Variants in KANK1 observed in about 807,000 individuals in gnomAD.
KANK1 encodes KN motif and ankyrin repeat domain-containing protein 1.
In KANK1, 109 loss-of-function variants were observed where a neutral mutation model predicts 106.2. The observed-to-expected ratio is 1.03, with a 90% CI of 0.88 to 1.20. The LOEUF (loss-of-function observed/expected upper bound fraction) is 1.20. Ranked by LOEUF, KANK1 falls within the 50% of genes most tolerant of loss-of-function variation. The pLI, the probability that KANK1 is intolerant of heterozygous loss-of-function variation, is 0.00. For missense variants in KANK1, 2,399 were observed against 1,710.7 expected (o/e 1.40, Z -7.10); for synonymous variants, 873 against 652.2 (o/e 1.34, Z -5.16).
At chr9:590,694 C>G (rs1824651449) in intron 1 of KANK1, among the ~76,000 whole-genome samples, 1 of 149,162 alleles carries the variant, frequency 6.7e-6, no homozygotes, top group Non-Finnish European at 1.5e-5. Context: ...CAGAAATGCA[C>G]CCTGCTTTTC....
chr9:580,843 T>A (rs2135275662), intron 1 of KANK1, among the ~76,000 whole-genome samples: 1 of 152,202 alleles, frequency 6.6e-6, no homozygotes, highest in South Asian at 2.1e-4. Context: ...TGGGGAGGCT[T>A]GGGCTGCGCT....
At chr9:569,493 G>T (rs1399636371) in intron 1 of KANK1, among the ~76,000 whole-genome samples, 1 of 152,140 alleles carries the variant, frequency 6.6e-6, no homozygotes, top group African/African-American at 2.4e-5. Flanking sequence ...GATTCCCTGT[G>T]CTGCCTCCAG....
intron 1 of KANK1, among the ~76,000 whole-genome samples, chr9:597,403 C>T (rs1826485753): frequency 6.6e-6 from 1 of 151,768 alleles, no homozygotes; most frequent in Non-Finnish European, 1.5e-5. Flanking sequence ...TTATAGTCGT[C>T]CTTGTGGGTA....
At chr9:512,822 G>C (rs1302474150) in intron 1 of KANK1, among the ~76,000 whole-genome samples, 1 of 152,154 alleles carries the variant, frequency 6.6e-6, no homozygotes, top group Non-Finnish European at 1.5e-5. Flanking sequence ...GGAAGAAGTG[G>C]AATTTATATT....
At position 712,485 on chromosome 9, in the gene KANK1, G is replaced by A. The variant is rs774257935; in HGVS notation, c.1719G>A (p.Glu573=). ...ELPMNWWIVK[E]RVEMHDRCAG... ...CTATGAATTGGTGGATTGTTAAGGAGAGGGTGGAAATGCATGACCGATGTG... is the reference window on the plus strand; with the variant it reads ...CTATGAATTGGTGGATTGTTAAGGAAAGGGTGGAAATGCATGACCGATGTG... The change falls in exon 3 of 12, where the codon GAG becomes GAA. Residue 573 remains glutamate, a synonymous_variant. Coordinates refer to ENST00000382297, the MANE Select transcript of KANK1 (RefSeq NM_015158.5). 6.2e-7 allele frequency: 1 copy of A among 1,614,208 alleles called. No homozygotes were observed. Among genetic ancestry groups the A allele is most frequent in the South Asian group, 1.1e-5 (1 of 91,082 alleles).
At chr9:664,864 A>G (rs1464949087) in intron 1 of KANK1, among the ~76,000 whole-genome samples, 2 of 152,118 alleles carry the variant, frequency 1.3e-5, no homozygotes, top group Non-Finnish European at 1.5e-5. Context: ...GATAAAAGCT[A>G]TTCTAATTGG....
intron 1 of KANK1, among the ~76,000 whole-genome samples, chr9:560,077 A>G (rs4742094): frequency 0.26 from 40,157 of 152,054 alleles, 5,610 homozygotes; most frequent in Admixed American, 0.38. Flanking sequence ...CCTCTAATGG[A>G]ATAAATGGGG....
intron 2 of KANK1, among the ~76,000 whole-genome samples, chr9:678,287 T>G (rs1160658715): frequency 6.6e-6 from 1 of 152,188 alleles, no homozygotes; most frequent in Non-Finnish European, 1.5e-5. Context: ...ATTGAACACT[T>G]AAATGCACCA....
chr9:639,897 C>T (rs1438333672), intron 1 of KANK1, among the ~76,000 whole-genome samples: 2 of 152,130 alleles, frequency 1.3e-5, no homozygotes, highest in Admixed American at 6.5e-5. Context: ...TAACAAGCTT[C>T]CTCAAACCCT....
At chr9:669,753 C>G (rs562244757) in intron 1 of KANK1, among the ~76,000 whole-genome samples, 100 of 152,138 alleles carry the variant, frequency 6.6e-4, no homozygotes, top group Middle Eastern at 3.4e-3. Flanking sequence ...CTTCCTCTAC[C>G]TGGATATTTT....
chr9:505,301 G>T (rs2058700232), intron 1 of KANK1, among the ~76,000 whole-genome samples: 1 of 152,060 alleles, frequency 6.6e-6, no homozygotes, highest in African/African-American at 2.4e-5. Flanking sequence ...GCCTCGGGTC[G>T]CCCTCCGCCA....
intron 1 of KANK1, among the ~76,000 whole-genome samples, chr9:649,429 G>A (rs1456679106): frequency 6.6e-6 from 1 of 152,188 alleles, no homozygotes; most frequent in Non-Finnish European, 1.5e-5. Flanking sequence ...GCAAATTAGT[G>A]AAATTGTACA....
intron 3 of KANK1, among the ~76,000 whole-genome samples, chr9:477,018 G>A (rs952329013): frequency 2.0e-5 from 3 of 152,138 alleles, no homozygotes; most frequent in Admixed American, 2.0e-4. Context: ...ACATCTACAA[G>A]TTTATGGTAA....
chr9:645,195 C>G (rs926495129), intron 1 of KANK1, among the ~76,000 whole-genome samples: 4 of 147,202 alleles, frequency 2.7e-5, no homozygotes, highest in African/African-American at 1.0e-4. Context: ...AATCTCAGCA[C>G]TTTGGGAAGC....
In KANK1 at chr9:632,480, A is replaced by G. The variant is rs1835979719; in HGVS notation, c.-83-44410A>G. On this transcript the variant is annotated intron_variant, in intron 1 of 11. Transcript: ENST00000382297. ...AGAGCATGGAAAAGATAATTACTAC[A>G]TATACTGTAACTGGTGAAGATGGAG... Among the ~76,000 whole-genome samples, 2 of 152,188 alleles carry G rather than the reference A, an allele frequency of 1.3e-5. 1 individual carries two copies. Among genetic ancestry groups the G allele is most frequent in the South Asian group, 4.1e-4 (2 of 4,828 alleles).
At chr9:741,888 G>C (rs1183182890) in intron 9 of KANK1, among the ~76,000 whole-genome samples, 1 of 152,050 alleles carries the variant, frequency 6.6e-6, no homozygotes, top group Non-Finnish European at 1.5e-5. Flanking sequence ...CAAAGTGCTA[G>C]GGTTACAGGC....
At position 738,292 on chromosome 9, in the gene KANK1, G is replaced by T. The variant is rs371084408; in HGVS notation, c.3341G>T (p.Cys1114Phe). Residue 1114 changes from cysteine to phenylalanine, a missense_variant, in exon 8 of 12, where the codon TGT (cysteine) becomes TTT (phenylalanine). Transcript: ENST00000382297. Reference protein sequence around the residue: ...KALTSKDMRFCLNTLQHEWFR... With the variant: ...KALTSKDMRFFLNTLQHEWFR... ...CACTTGGTGTTTTGGCAGAGGTTCT[G>T]TCTGAACACCCTCCAGCACGAGTGG... 1 of 1,611,792 alleles carries T rather than the reference G, an allele frequency of 6.2e-7. No homozygotes were observed. The highest frequency in any genetic ancestry group is 1.1e-5 in the South Asian group (1 of 90,432).
chr9:576,386 T>C (rs1264052986), intron 1 of KANK1, among the ~76,000 whole-genome samples: 3 of 152,204 alleles, frequency 2.0e-5, no homozygotes, highest in African/African-American at 4.8e-5. Flanking sequence ...CCTTTTAATA[T>C]ACAGATAGGT....
chr9:614,491 C>T (rs1009268334), intron 1 of KANK1, among the ~76,000 whole-genome samples: 2 of 152,176 alleles, frequency 1.3e-5, no homozygotes, highest in Non-Finnish European at 2.9e-5. Flanking sequence ...TTGGCTGACA[C>T]TGATCTTGGT....
Sources: gnomAD v4.1 joint callset for allele counts (sites outside exome capture counted in the v4.1 genomes callset) on GRCh38, gnomAD v4.1.1 for gene constraint, MANE v1.5 for transcripts, NCBI Gene and HGNC (gene_info 2026-07-23, HGNC 2026-07-21) for gene names.